Variants in FOCAD observed in about 807,000 individuals in gnomAD.
FOCAD encodes KIAA1797.
A neutral mutation model predicts 225.6 loss-of-function variants in FOCAD; 198 were observed. The ratio of observed to expected loss-of-function variants is 0.88; its 90% CI spans 0.78 to 0.99. FOCAD has a LOEUF of 0.99. Ranked by LOEUF, FOCAD falls within the 50% of genes least tolerant of loss-of-function variation. The probability of loss-of-function intolerance (pLI) is 0.00; values close to 1 mark genes in which losing one functional copy is unlikely to be tolerated. For synonymous variants in FOCAD, 897 were observed against 755.0 expected, an observed-to-expected ratio of 1.19 and a Z score of -3.08; for missense variants, 2,713 against 2,123.6, an observed-to-expected ratio of 1.28 and a Z score of -5.46.
At chr9:20,784,246 T>C (rs1365470583) in intron 10 of FOCAD, among the ~76,000 whole-genome samples, 1 of 152,132 alleles carries the variant, frequency 6.6e-6, no homozygotes, top group Non-Finnish European at 1.5e-5. Flanking sequence ...CTAGCAGCCA[T>C]GGTAGGAGGA....
At chr9:20,677,044 TAGGCCAATGG>T (rs1822256100) in intron 2 of FOCAD, among the ~76,000 whole-genome samples, 1 of 152,074 alleles carries the variant, frequency 6.6e-6, no homozygotes, top group African/African-American at 2.4e-5. Flanking sequence ...AATATACAGA[TAGGCCAATGG>T]AACAGAGCAG....
chr9:20,857,926 A>G (rs1828364393), intron 15 of FOCAD, among the ~76,000 whole-genome samples: 1 of 151,934 alleles, frequency 6.6e-6, no homozygotes, highest in South Asian at 2.1e-4. Flanking sequence ...CCATCCTTGC[A>G]TCCCTGGGAT....
chr9:20,983,198 T>C (rs768549298), intron 39 of FOCAD, among the ~76,000 whole-genome samples: 5 of 152,184 alleles, frequency 3.3e-5, no homozygotes, highest in Non-Finnish European at 7.3e-5. Context: ...TCAGAAACTC[T>C]GCAGACGGAG....
At chr9:20,910,279 G>A (rs1417372369) in intron 22 of FOCAD, among the ~76,000 whole-genome samples, 1 of 151,692 alleles carries the variant, frequency 6.6e-6, no homozygotes, top group Non-Finnish European at 1.5e-5. Flanking sequence ...TGCTGTGGAG[G>A]TTAAGGTCTC....
chr9:20,701,263 C>G (rs1170167735), intron 1 of FOCAD, among the ~76,000 whole-genome samples: 1 of 152,180 alleles, frequency 6.6e-6, no homozygotes, highest in Admixed American at 6.5e-5. Flanking sequence ...CTTCCTGCTT[C>G]TGGACATTTC....
chr9:20,874,327 A>G (rs952785661), intron 18 of FOCAD: 2 of 178,882 alleles, frequency 1.1e-5, no homozygotes, highest in Non-Finnish European at 2.3e-5. Context: ...TGAGCTATAG[A>G]AGTTAAATAT....
intron 35 of FOCAD, among the ~76,000 whole-genome samples, chr9:20,953,304 G>C (rs1837851096): frequency 6.6e-6 from 1 of 152,230 alleles, no homozygotes; most frequent in African/African-American, 2.4e-5. Flanking sequence ...GGGTGGCTCT[G>C]TGAAAATCTT....
chr9:20,716,336 A>T (rs960737589), intron 2 of FOCAD: 1 of 183,922 alleles, frequency 5.4e-6, no homozygotes, highest in Non-Finnish European at 1.2e-5. Flanking sequence ...ATTAGGTGAA[A>T]AAAATATATA....
intron 15 of FOCAD, among the ~76,000 whole-genome samples, chr9:20,831,174 A>G (rs1564045183): frequency 1.3e-5 from 2 of 152,086 alleles, no homozygotes; most frequent in South Asian, 4.1e-4. Context: ...TCCTCTTGAT[A>G]TCATAATCTC....
At chr9:20,923,838 C>T (rs1385957875) in intron 25 of FOCAD, 70 bp downstream of exon 25, 8 of 1,168,780 alleles carry the variant, frequency 6.8e-6, no homozygotes, top group Admixed American at 1.9e-5. Flanking sequence ...GTAGCCTGGC[C>T]CTGGGCTTAC....
rs369597486 is a variant in FOCAD at position 20,923,756 on chromosome 9, C to G, written c.2949C>G (p.Asp983Glu). The G allele has an allele frequency of 6.2e-7, 1 of 1,613,232 alleles. No homozygotes were observed. The change falls in exon 25 of 44, where the codon GAC becomes GAG. Residue 983 changes from aspartate (D) to glutamate (E), a missense_variant. Asp to Glu is a conservative substitution (Grantham distance 45, BLOSUM62 2). Coordinates refer to ENST00000338382, the MANE Select transcript of FOCAD (RefSeq NM_001375567.1). ...RHEASLSSDS[D>E]GLLEVQPNFL... ...AAGCCAGCCTCTCCTCAGACTCTGA[C>G]GGGCTCCTGGAGGTTAGTTGGGGTG...
intron 34 of FOCAD, chr9:20,952,659 G>T: frequency 2.9e-6 from 1 of 343,824 alleles, no homozygotes; most frequent in Non-Finnish European, 5.3e-6. Context: ...GGAGGTCACT[G>T]GATTAGGGCT....
At chr9:20,968,248 T>G (rs2132517358) in intron 35 of FOCAD, among the ~76,000 whole-genome samples, 1 of 152,206 alleles carries the variant, frequency 6.6e-6, no homozygotes, top group South Asian at 2.1e-4. Flanking sequence ...CATACATTTT[T>G]TCGTAGAATT....
intron 10 of FOCAD, chr9:20,787,051 C>G: frequency 2.5e-6 from 1 of 402,222 alleles, no homozygotes; most frequent in South Asian, 1.9e-5. Context: ...CTCAATGGGA[C>G]AATTTCTCCT....
At chr9:20,688,385 C>G (rs1320471986) in intron 1 of FOCAD, among the ~76,000 whole-genome samples, 1 of 152,032 alleles carries the variant, frequency 6.6e-6, no homozygotes, top group East Asian at 1.9e-4. Flanking sequence ...AAGGATACCT[C>G]CTAGGTTTAT....
chr9:20,946,795 G>T lies in FOCAD; in HGVS notation c.3650G>T (p.Arg1217Leu), dbSNP rs757895525. The change falls in exon 30 of 44, where the codon CGA (arginine) becomes CTA (leucine). Residue 1217 changes from arginine (R) to leucine (L), a missense_variant. Physicochemically the swap from Arg to Leu is moderately radical, Grantham distance 102. Coordinates refer to ENST00000338382, the MANE Select transcript of FOCAD (RefSeq NM_001375567.1). ...GCTGAGGATGTTATGAACAAGCTTC[G>T]ACTGTTAGTGGAGAATAGCCAGCAG... ...TEAEDVMNKL[R>L]LLVENSQQTS... 3.1e-6 allele frequency: 5 copies of T among 1,613,712 alleles called. No individual in the cohort carries two copies. Among genetic ancestry groups the T allele is most frequent in the South Asian group, 1.1e-5 (1 of 91,028 alleles).
intron 11 of FOCAD, among the ~76,000 whole-genome samples, chr9:20,814,527 C>G (rs1196585148): frequency 1.3e-5 from 2 of 151,560 alleles, no homozygotes; most frequent in African/African-American, 4.8e-5. Flanking sequence ...CAGCTAATTT[C>G]TGTGTTTTTA....
intron 16 of FOCAD, among the ~76,000 whole-genome samples, chr9:20,864,999 A>C (rs569464480): frequency 6.6e-6 from 1 of 152,258 alleles, no homozygotes; most frequent in East Asian, 1.9e-4. Flanking sequence ...CCAAGACTGT[A>C]GTTAAAAAGC....
intron 19 of FOCAD, among the ~76,000 whole-genome samples, chr9:20,879,929 G>C (rs1830529660): frequency 6.6e-6 from 1 of 152,170 alleles, no homozygotes; most frequent in South Asian, 2.1e-4. Flanking sequence ...CCTTTTGCCA[G>C]AATAGGATCC....
Sources: allele counts gnomAD v4.1 joint callset (sites outside exome capture counted in the v4.1 genomes callset), GRCh38; gene constraint gnomAD v4.1.1; transcripts MANE v1.5; gene names NCBI Gene and HGNC (gene_info 2026-07-23, HGNC 2026-07-21).